Variants in PI4KB observed in about 807,000 individuals in gnomAD.
PI4KB encodes the protein phosphatidylinositol 4-kinase beta, also known as PtdIns 4-kinase beta.
Under a neutral mutation model 81.4 loss-of-function variants are expected in PI4KB, and 23 were observed. The ratio of observed to expected loss-of-function variants is 0.28; its 90% CI spans 0.20 to 0.40. PI4KB has a LOEUF of 0.40. Ranked by LOEUF, PI4KB falls within the 10% of genes least tolerant of loss-of-function variation. The pLI is 1.00. For synonymous variants in PI4KB, 381 were observed against 406.8 expected (o/e 0.94, Z 0.76); for missense variants, 651 against 1,036.6 (o/e 0.63, Z 5.11).
At chr1:151,294,180 A>G in intron 10 of PI4KB, 42 bp from the exon 11 acceptor site, 2 of 1,591,120 alleles carry the variant, frequency 1.3e-6, no homozygotes, top group South Asian at 2.3e-5. Flanking sequence ...GGGGTCTTAC[A>G]CCGGGGATGG....
In PI4KB at chr1:151,292,807, G is replaced by A. The variant is rs748993864; in HGVS notation, c.*45C>T. On this transcript the variant is annotated 3_prime_UTR_variant, in exon 12 of 12. Coordinates refer to ENST00000368873, the MANE Select transcript of PI4KB (RefSeq NM_001369623.2). Reference sequence around the variant, plus strand: ...GGTTTCTCAGACAAGGGCCCTCTAGGGAGGGTGCCCTGGACCCCCCACCAC... The same window carrying A: ...GGTTTCTCAGACAAGGGCCCTCTAGAGAGGGTGCCCTGGACCCCCCACCAC... 6.3e-7 allele frequency: 1 copy of A among 1,580,028 alleles called. No individual in the cohort carries two copies. Among genetic ancestry groups the A allele is most frequent in the Middle Eastern group, 2.0e-4 (1 of 5,004 alleles).
intron 1 of PI4KB, among the ~76,000 whole-genome samples, chr1:151,319,745 C>T (rs948259658): frequency 6.6e-6 from 1 of 152,220 alleles, no homozygotes; most frequent in African/African-American, 2.4e-5. Flanking sequence ...GCTCCAGAAT[C>T]TGACTATAGC....
Position 151,298,929 on chromosome 1 carries a change from C to T in PI4KB, c.1894G>A (p.Asp632Asn), listed in dbSNP as rs766469914. ...CTGCCGTGCTCCTGTAGGAAGTAAT[C>T]GAGCAAGGAGAGCTGTGACTGTTTC... ...VKKQSQLSLLDYFLQEHGSYT... is the reference protein window; with the variant it reads ...VKKQSQLSLLNYFLQEHGSYT... The change falls in exon 9 of 12, where the codon GAT becomes AAT. Residue 632 changes from aspartate (D) to asparagine (N), a missense_variant. Around this residue, in one of 5 missense-constraint regions of PI4KB, gnomAD observed 246 missense variants for 430.1 expected, o/e 0.57. Coordinates refer to ENST00000368873, the MANE Select transcript of PI4KB (RefSeq NM_001369623.2). 5.0e-6 allele frequency: 8 copies of T among 1,614,110 alleles called. No homozygotes were observed. The highest frequency in any genetic ancestry group is 2.2e-5 in the South Asian group (2 of 91,074).
At chr1:151,299,365 A>G (rs1161580198) in intron 8 of PI4KB, among the ~76,000 whole-genome samples, 2 of 152,028 alleles carry the variant, frequency 1.3e-5, no homozygotes, top group Non-Finnish European at 2.9e-5. Context: ...AGCAGGGAGA[A>G]TGGGAGCTGT....
At chr1:151,327,215 G>GCCGGGGGCCC in intron 1 of PI4KB, 56 bp downstream of exon 1, 1 of 49,688 alleles carries the variant, frequency 2.0e-5, no homozygotes, top group Non-Finnish European at 4.5e-5. Context: ...GTGGGAGAGG[G>GCCGGGGGCCC]ACCCCCCCCC....
At position 151,294,191 on chromosome 1, in the gene PI4KB, T is replaced by C. The variant is rs1694597065; in HGVS notation, c.2149-53A>G. On this transcript the variant is annotated intron_variant, in intron 10 of 11. Transcript: ENST00000368873. ...ACAAGGGGTCTTACACCGGGGATGGTCCCTGTCCTGACTGGCCTACCAGAA... is the reference window on the plus strand; with the variant it reads ...ACAAGGGGTCTTACACCGGGGATGGCCCCTGTCCTGACTGGCCTACCAGAA... The C allele has an allele frequency of 3.2e-6, 5 of 1,576,700 alleles. No homozygotes were observed. In the South Asian group the frequency reaches 5.9e-5, roughly 19 times the overall value.
chr1:151,321,160 C>T (rs1648789836), intron 1 of PI4KB, among the ~76,000 whole-genome samples: 1 of 152,172 alleles, frequency 6.6e-6, no homozygotes, highest in African/African-American at 2.4e-5. Context: ...AGCTTTTACT[C>T]CTCAGGGAGC....
intron 10 of PI4KB, 62 bp downstream of exon 10, chr1:151,294,347 C>CT (rs2101903710): frequency 6.3e-7 from 1 of 1,585,440 alleles, no homozygotes; most frequent in East Asian, 2.2e-5. Flanking sequence ...CATCAGCTCC[C>CT]TCTCCCATGA....
At chr1:151,295,067 G>A (rs587738801) in intron 9 of PI4KB, among the ~76,000 whole-genome samples, 86 of 152,350 alleles carry the variant, frequency 5.6e-4, no homozygotes, top group Non-Finnish European at 8.1e-4. Context: ...AAAATAGCGT[G>A]GGGGCTTCAA....
intron 9 of PI4KB, 51 bp from the exon 10 acceptor site, chr1:151,294,592 G>A (rs1245375216): frequency 2.5e-6 from 4 of 1,594,604 alleles, no homozygotes; most frequent in African/African-American, 1.3e-5. Flanking sequence ...GTCTGACTGA[G>A]GCTGGAACCT....
intron 1 of PI4KB, among the ~76,000 whole-genome samples, chr1:151,325,876 G>A (rs1649533770): frequency 6.6e-6 from 1 of 152,184 alleles, no homozygotes; most frequent in Non-Finnish European, 1.5e-5. Context: ...TGCCTACAGA[G>A]AGTGGGCATT....
In PI4KB at chr1:151,301,966, G is replaced by T. The variant is rs1249137892; in HGVS notation, c.1627C>A (p.Arg543=). The change falls in exon 8 of 12, where the codon CGG becomes AGG. Residue 543 remains arginine, a splice_region_variant and synonymous_variant. Transcript: ENST00000368873. ...CCGTAGGGGGAGCCCTCTCTGATCC[G>T]CCTGTGAAGACAGAAGTAAAGGGTG... ...LKEPWQEKVR[R]IREGSPYGHL... 1 of 1,613,266 alleles carries T rather than the reference G, an allele frequency of 6.2e-7. No homozygotes were observed. The highest frequency in any genetic ancestry group is 8.5e-7 in the Non-Finnish European group (1 of 1,179,992).
chr1:151,304,365 C>T (rs1394334222), intron 5 of PI4KB, among the ~76,000 whole-genome samples: 7 of 127,726 alleles, frequency 5.5e-5, no homozygotes, highest in East Asian at 4.6e-4. Context: ...TTTTTTTAGA[C>T]GGAGTTTCGC....
At chr1:151,297,154 C>T (rs1439007655) in intron 9 of PI4KB, among the ~76,000 whole-genome samples, 1 of 152,088 alleles carries the variant, frequency 6.6e-6, no homozygotes, top group African/African-American at 2.4e-5. Context: ...GACAGGGTCT[C>T]ACTCTGTTGC....
Position 151,292,058 on chromosome 1 carries a change from ACT to A in PI4KB, c.*792_*793del, listed in dbSNP as rs1557778583. On this transcript the variant is annotated 3_prime_UTR_variant, in exon 12 of 12. Transcript: ENST00000368873. ...ATGTAGTGCCTTTTGTATCTTGGAC[ACT>A]GAGGCATCCGTTCATACCTCATCAC... is the stretch of plus-strand genomic sequence containing the variant. 1 of 152,150 alleles carries A rather than the reference ACT, an allele frequency of 6.6e-6. No homozygotes were observed. Among genetic ancestry groups the A allele is most frequent in the Non-Finnish European group, 1.5e-5 (1 of 68,058 alleles). 9.4% of individuals were successfully genotyped at this position (152,150 alleles called of 1,614,324 possible).
intron 2 of PI4KB, among the ~76,000 whole-genome samples, chr1:151,311,017 T>C (rs1049387825): frequency 1.3e-5 from 2 of 152,196 alleles, no homozygotes; most frequent in East Asian, 3.8e-4. Flanking sequence ...GCTATATCCA[T>C]CTAGAAAGCT....
chr1:151,293,961 T>TCCGA, intron 11 of PI4KB, 57 bp downstream of exon 11: 1 of 1,605,706 alleles, frequency 6.2e-7, no homozygotes, highest in East Asian at 2.2e-5. Flanking sequence ...GCTCCAGGGC[T>TCCGA]CCGACTTAAA....
intron 2 of PI4KB, among the ~76,000 whole-genome samples, chr1:151,315,134 A>C (rs891519285): frequency 2.6e-5 from 4 of 151,990 alleles, no homozygotes; most frequent in African/African-American, 7.3e-5. Flanking sequence ...GCCCACCACC[A>C]CGCCTGGCTA....
intron 6 of PI4KB, chr1:151,303,239 T>A (rs1695456653): frequency 3.8e-6 from 1 of 264,702 alleles, no homozygotes. Flanking sequence ...GACCTCGTGA[T>A]CTGCCCGCCT....
Sources: allele counts gnomAD v4.1 joint callset (sites outside exome capture counted in the v4.1 genomes callset), GRCh38; gene constraint gnomAD v4.1.1; regional missense constraint gnomAD v4.1.1; transcripts MANE v1.5; gene names NCBI Gene and HGNC (gene_info 2026-07-23, HGNC 2026-07-21).